CNOT2: variants seen among roughly 807,000 people sequenced by gnomAD.
CNOT2 encodes CCR4-NOT transcription complex subunit 2, also known as CC chemokine receptor 4-negative regulator of transcription 2.
CNOT2 carries 7 observed loss-of-function variants against 72.1 expected under a neutral mutation model. That is an observed-to-expected ratio of 0.10 (90% CI 0.06 to 0.18). The LOEUF (loss-of-function observed/expected upper bound fraction) is 0.18. Among genes scored for constraint, CNOT2 ranks in the 10% least tolerant of loss-of-function variants. CNOT2 has a pLI of 1.00. For missense variants in CNOT2, 345 were observed against 660.3 expected (o/e 0.52, Z 5.23); for synonymous variants, 196 against 225.6 (o/e 0.87, Z 1.17).
chr12:70,339,673 C>T (rs1392817387), intron 11 of CNOT2, among the ~76,000 whole-genome samples: 1 of 152,150 alleles, frequency 6.6e-6, no homozygotes, highest in East Asian at 1.9e-4. Context: ...ATAATTATAC[C>T]TTGCATGCTT....
chr12:70,305,954 T>G (rs78232943), intron 2 of CNOT2, among the ~76,000 whole-genome samples: 13,841 of 134,640 alleles, frequency 0.1, 849 homozygotes, highest in Middle Eastern at 0.23. Context: ...TGTATTTAAA[T>G]GTTGAGAATG....
chr12:70,347,926 A>G (rs376685655), intron 15 of CNOT2: 10 of 152,370 alleles, frequency 6.6e-5, no homozygotes, highest in African/African-American at 2.2e-4. Context: ...TATGTAGTAT[A>G]CAGTAGAAAG....
chr12:70,311,535 G>A (rs1262917644), intron 3 of CNOT2, among the ~76,000 whole-genome samples: 1 of 151,966 alleles, frequency 6.6e-6, no homozygotes, highest in Admixed American at 6.6e-5. Flanking sequence ...TTCAAAATGT[G>A]ATGGATGATA....
At chr12:70,317,123 C>G (rs1216139174) in intron 3 of CNOT2, among the ~76,000 whole-genome samples, 1 of 151,854 alleles carries the variant, frequency 6.6e-6, no homozygotes, top group Non-Finnish European at 1.5e-5. Flanking sequence ...AATCTTTTAC[C>G]TCCTTTTTTT....
intron 2 of CNOT2, among the ~76,000 whole-genome samples, chr12:70,305,873 G>GTTTTTTTTTTTTTTTTTTTTTTTTTTTT (rs11412509): frequency 1.7e-5 from 1 of 60,074 alleles, no homozygotes; most frequent in Non-Finnish European, 3.0e-5. Flanking sequence ...TCTGAAGTTT[G>GTTTTTTTTTTTTTTTTTTTTTTTTTTTT]TTTTTTTTTT....
intron 1 of CNOT2, among the ~76,000 whole-genome samples, chr12:70,254,131 A>G (rs1958295243): frequency 6.6e-6 from 1 of 151,630 alleles, no homozygotes; most frequent in African/African-American, 2.4e-5. Context: ...CTAGCTACTC[A>G]GGAGGCGGAG....
At chr12:70,249,027 T>C (rs1030019392) in intron 1 of CNOT2, among the ~76,000 whole-genome samples, 1 of 152,112 alleles carries the variant, frequency 6.6e-6, no homozygotes, top group Non-Finnish European at 1.5e-5. Context: ...ATTGATATAC[T>C]ATTTTTCCAT....
intron 15 of CNOT2, among the ~76,000 whole-genome samples, chr12:70,350,135 G>A (rs1018978596): frequency 6.6e-6 from 1 of 152,028 alleles, no homozygotes; most frequent in Admixed American, 6.6e-5. Context: ...TAAATTTGCA[G>A]CAATTCAGAT....
chr12:70,259,281 G>A (rs1267623153), intron 1 of CNOT2, among the ~76,000 whole-genome samples: 1 of 151,152 alleles, frequency 6.6e-6, no homozygotes, highest in Non-Finnish European at 1.5e-5. Flanking sequence ...TTAGTTTTTA[G>A]TGTTGATCTA....
chr12:70,258,821 G>A (rs556394339), intron 1 of CNOT2, among the ~76,000 whole-genome samples: 1 of 152,288 alleles, frequency 6.6e-6, no homozygotes, highest in South Asian at 2.1e-4. Context: ...CAGGAGAAAG[G>A]GCTTTCAGGA....
intron 2 of CNOT2, among the ~76,000 whole-genome samples, chr12:70,291,521 G>T (rs535666243): frequency 2.6e-5 from 4 of 152,292 alleles, no homozygotes; most frequent in East Asian, 1.9e-4. Flanking sequence ...AATCACTTGG[G>T]TCCATTTATG....
In CNOT2 at chr12:70,299,267, C is replaced by T. The variant is rs573647753; in HGVS notation, c.49-11628C>T. ...CTTTAAGTTTTAAGGTACATGTGCA[C>T]AACGTGCAGGTTTGTTACATATGTA... On this transcript the variant is annotated intron_variant, in intron 2 of 15. Transcript: ENST00000229195. Among the ~76,000 whole-genome samples, 328 of 152,034 alleles carry T rather than the reference C, an allele frequency of 2.2e-3. 2 individuals are homozygous for T. Among genetic ancestry groups the T allele is most frequent in the African/African-American group, 7.8e-3 (322 of 41,436 alleles).
Position 70,353,913 on chromosome 12 carries a change from T to TA in CNOT2, c.*23dup, listed in dbSNP as rs35192504. 0.14 allele frequency: 178,052 copies of TA among 1,232,618 alleles called. 2,777 individuals are homozygous for TA. The highest frequency in any genetic ancestry group is 0.15 in the Non-Finnish European group (145,381 of 973,372). 76.4% of individuals were successfully genotyped at this position (1,232,618 alleles called of 1,614,324 possible). ...CTACAACCCTGCTCAGCAAGCCTTCTAAAAAAAAAAAAAAAAAAAAAAAAA... is the reference window on the plus strand; with the variant it reads ...CTACAACCCTGCTCAGCAAGCCTTCTAAAAAAAAAAAAAAAAAAAAAAAAAA... ...FNYNPAQQAF[*] Residue 541 remains the stop codon, a frameshift_variant and stop_retained_variant, in exon 16 of 16, where the codon TAA becomes TAAA. Transcript: ENST00000229195. LOFTEE classifies it high-confidence loss of function.
intron 1 of CNOT2, among the ~76,000 whole-genome samples, chr12:70,276,092 A>G (rs1868739926): frequency 6.6e-6 from 1 of 152,038 alleles, no homozygotes; most frequent in African/African-American, 2.4e-5. Flanking sequence ...AGAGGAAACA[A>G]AGCAAATAAT....
At chr12:70,301,015 T>C (rs1873854825) in intron 2 of CNOT2, among the ~76,000 whole-genome samples, 1 of 152,232 alleles carries the variant, frequency 6.6e-6, no homozygotes, top group African/African-American at 2.4e-5. Flanking sequence ...GATTTGGCTC[T>C]CTGTTTGTCT....
chr12:70,353,851 A>G lies in CNOT2; in HGVS notation c.1559A>G (p.Lys520Arg). ...VAKEFHLEYD[K>R]LEERPHLPST... The stretch of plus-strand genomic sequence containing the variant: ...TAGGAGTTCCATCTGGAATATGACA[A>G]ATTAGAAGAACGGCCTCACCTGCCA... Residue 520 changes from lysine (K) to arginine (R), a missense_variant, in exon 16 of 16, where the codon AAA becomes AGA. Transcript: ENST00000229195. 1 of 1,610,868 alleles carries G rather than the reference A, an allele frequency of 6.2e-7. No individual in the cohort carries two copies. The highest frequency in any genetic ancestry group is 1.3e-5 in the African/African-American group (1 of 74,638).
At chr12:70,245,557 G>C (rs1440745636) in intron 1 of CNOT2, among the ~76,000 whole-genome samples, 2 of 152,050 alleles carry the variant, frequency 1.3e-5, no homozygotes, top group Non-Finnish European at 1.5e-5. Context: ...AATGAGAATT[G>C]CCTGTTTAAC....
rs181969328 is a variant in CNOT2, at chr12:70,337,966, T to C, written c.900+453T>C. The stretch of plus-strand genomic sequence containing the variant: ...CTTTTCTCTGTGTGTGATGGGAGTT[T>C]ATATATTATTAAAATAATTGATAAA... On this transcript the variant is annotated intron_variant, in intron 9 of 15. Transcript: ENST00000229195. The C allele has an allele frequency of 8.8e-4, 222 of 252,486 alleles. 1 individual carries two copies. Among genetic ancestry groups the C allele is most frequent in the Non-Finnish European group, 9.3e-4 (121 of 129,532 alleles). 15.6% of individuals were successfully genotyped at this position (252,486 alleles called of 1,614,324 possible).
intron 2 of CNOT2, among the ~76,000 whole-genome samples, chr12:70,288,981 T>G (rs1222674495): frequency 6.6e-6 from 1 of 152,074 alleles, no homozygotes; most frequent in Non-Finnish European, 1.5e-5. Flanking sequence ...TTTTCCTGTT[T>G]TTACTTCTTA....
Sources: allele counts gnomAD v4.1 joint callset (sites outside exome capture counted in the v4.1 genomes callset), GRCh38; gene constraint gnomAD v4.1.1; transcripts MANE v1.5; gene names NCBI Gene and HGNC (gene_info 2026-07-23, HGNC 2026-07-21).